The following GABRB2 variants were observed in gnomAD, a reference collection of about 807,000 sequenced individuals.
GABRB2 encodes the protein gamma-aminobutyric acid receptor subunit beta-2.
GABRB2 carries 16 observed loss-of-function variants against 54.7 expected under a neutral mutation model. That is an observed-to-expected ratio of 0.29 (90% CI 0.20 to 0.44). GABRB2 has a LOEUF of 0.44. Among genes scored for constraint, GABRB2 ranks in the 20% least tolerant of loss-of-function variants. The pLI is 1.00. For synonymous variants in GABRB2, 244 were observed against 233.8 expected (o/e 1.04, Z -0.40); for missense variants, 355 against 644.0 (o/e 0.55, Z 4.86).
chr5:161,406,109 T>C (rs1275605947), intron 5 of GABRB2, among the ~76,000 whole-genome samples: 2 of 152,078 alleles, frequency 1.3e-5, no homozygotes, highest in Non-Finnish European at 2.9e-5. Flanking sequence ...CCAGGGTTGA[T>C]TGCCTTCCTT....
chr5:161,310,764 AT>A (rs34428930), intron 9 of GABRB2, among the ~76,000 whole-genome samples: 3,137 of 139,018 alleles, frequency 0.023, 34 homozygotes, highest in Non-Finnish European at 0.034. Flanking sequence ...ATGCTACAGC[AT>A]TTTTTTTTTT....
At chr5:161,503,960 G>A (rs916281591) in intron 3 of GABRB2, among the ~76,000 whole-genome samples, 2 of 152,098 alleles carry the variant, frequency 1.3e-5, no homozygotes, top group Non-Finnish European at 2.9e-5. Context: ...TAAATATAAA[G>A]ATGGACTGTC....
chr5:161,389,025 G>A (rs1031947504), intron 5 of GABRB2, among the ~76,000 whole-genome samples: 2 of 151,906 alleles, frequency 1.3e-5, no homozygotes, highest in East Asian at 3.9e-4. Flanking sequence ...AGTAAAAAGA[G>A]ACTTATAACC....
chr5:161,296,346 A>G (rs1467063971), intron 9 of GABRB2, among the ~76,000 whole-genome samples: 1 of 152,170 alleles, frequency 6.6e-6, no homozygotes, highest in Non-Finnish European at 1.5e-5. Flanking sequence ...CTTGGCCACC[A>G]TGCATGATGT....
At chr5:161,526,865 TA>T (rs1361895355) in intron 3 of GABRB2, among the ~76,000 whole-genome samples, 3 of 151,442 alleles carry the variant, frequency 2.0e-5, no homozygotes, top group African/African-American at 7.3e-5. Flanking sequence ...CCGAAGAACA[TA>T]ACAGAACATG....
intron 3 of GABRB2, among the ~76,000 whole-genome samples, chr5:161,493,227 A>G (rs1020589814): frequency 1.3e-5 from 2 of 151,734 alleles, no homozygotes; most frequent in African/African-American, 4.8e-5. Context: ...CTTAATTTTG[A>G]CTGAAGCTGA....
At chr5:161,523,768 C>T (rs1450596595) in intron 3 of GABRB2, among the ~76,000 whole-genome samples, 1 of 150,860 alleles carries the variant, frequency 6.6e-6, no homozygotes, top group Non-Finnish European at 1.5e-5. Flanking sequence ...ATTGTCACCT[C>T]CATTGCTACA....
chr5:161,366,011 A>T (rs1367213873), intron 5 of GABRB2, among the ~76,000 whole-genome samples: 1 of 149,912 alleles, frequency 6.7e-6, no homozygotes, highest in African/African-American at 2.5e-5. Context: ...GATACTATTT[A>T]CTTCAATTGT....
chr5:161,309,617 T>C (rs931386744), intron 9 of GABRB2, among the ~76,000 whole-genome samples: 1 of 151,636 alleles, frequency 6.6e-6, no homozygotes, highest in Admixed American at 6.6e-5. Context: ...TAAATGCCCA[T>C]CAGTGATAGA....
chr5:161,310,439 T>G (rs971660887), intron 9 of GABRB2, among the ~76,000 whole-genome samples: 3 of 152,234 alleles, frequency 2.0e-5, no homozygotes, highest in Non-Finnish European at 2.9e-5. Flanking sequence ...AGCCACCTTA[T>G]CTCAGAACAA....
chr5:161,422,524 T>G (rs542034024), intron 4 of GABRB2, among the ~76,000 whole-genome samples: 1 of 152,302 alleles, frequency 6.6e-6, no homozygotes, highest in South Asian at 2.1e-4. Flanking sequence ...TTCACATTTA[T>G]TTAAAAAGGT....
chr5:161,313,236 C>G (rs1757928213), intron 9 of GABRB2, among the ~76,000 whole-genome samples: 1 of 152,026 alleles, frequency 6.6e-6, no homozygotes, highest in Admixed American at 6.5e-5. Flanking sequence ...CTAGTAACTC[C>G]CTCCTCTAGG....
intron 3 of GABRB2, among the ~76,000 whole-genome samples, chr5:161,519,107 T>C (rs1354676218): frequency 6.6e-6 from 1 of 152,186 alleles, no homozygotes; most frequent in African/African-American, 2.4e-5. Context: ...TTAAGTTTCA[T>C]GTCACTATTT....
intron 9 of GABRB2, among the ~76,000 whole-genome samples, chr5:161,297,466 T>C (rs1454742844): frequency 6.6e-6 from 1 of 152,114 alleles, no homozygotes; most frequent in Non-Finnish European, 1.5e-5. Flanking sequence ...TGGTGTGTGA[T>C]GTTCCCTTCC....
chr5:161,475,688 T>A (rs138017384), intron 3 of GABRB2, among the ~76,000 whole-genome samples: 27 of 151,972 alleles, frequency 1.8e-4, no homozygotes, highest in Middle Eastern at 3.4e-3. Flanking sequence ...TACACTGCAT[T>A]AACAAAATTA....
Position 161,290,085 on chromosome 5 carries a change from T to G in GABRB2, c.*3996A>C, listed in dbSNP as rs1757195247. 6.6e-6 allele frequency: 1 copy of G among 152,548 alleles called. No homozygotes were observed. The highest frequency in any genetic ancestry group is 2.4e-5 in the African/African-American group (1 of 41,418). The allele number at this position is 152,548 out of a possible 1,614,324, so 9.4% of individuals were successfully genotyped here. ...CATTGCCTTACCATAAAATACAAAT[T>G]AGAAGTTAAAAATATTTAAGAAATC... On this transcript the variant is annotated 3_prime_UTR_variant, in exon 10 of 10. Coordinates refer to ENST00000393959, the MANE Select transcript of GABRB2 (RefSeq NM_001371727.1).
At chr5:161,440,579 A>G (rs1376232354) in intron 4 of GABRB2, among the ~76,000 whole-genome samples, 2 of 152,182 alleles carry the variant, frequency 1.3e-5, no homozygotes, top group South Asian at 2.1e-4. Context: ...GCACCCAGAT[A>G]CATAAGGCAA....
intron 8 of GABRB2, among the ~76,000 whole-genome samples, chr5:161,327,689 C>T (rs544581898): frequency 6.4e-4 from 97 of 152,280 alleles, no homozygotes; most frequent in African/African-American, 2.3e-3. Context: ...TTCAACCCTC[C>T]CTGACCTCAG....
At chr5:161,410,833 T>C in intron 5 of GABRB2, 142 bp downstream of exon 5, 2 of 579,254 alleles carry the variant, frequency 3.5e-6, no homozygotes. Context: ...AAAGATGCTG[T>C]CAATGCTTCC....
Sources: gnomAD v4.1 joint callset for allele counts (sites outside exome capture counted in the v4.1 genomes callset) on GRCh38, gnomAD v4.1.1 for gene constraint, MANE v1.5 for transcripts, NCBI Gene and HGNC (gene_info 2026-07-23, HGNC 2026-07-21) for gene names.